EAPP: variants seen among roughly 807,000 people sequenced by gnomAD.
EAPP encodes E2F associated phosphoprotein.
In EAPP, 38 loss-of-function variants were observed where a neutral mutation model predicts 34.3. That is an observed-to-expected ratio of 1.11 (90% CI 0.85 to 1.45). The LOEUF is 1.45. EAPP is among the 40% of genes most tolerant of loss of function. The pLI, the probability that EAPP is intolerant of heterozygous loss-of-function variation, is 0.00. For missense variants in EAPP, 338 were observed against 343.7 expected (o/e 0.98, Z 0.13); for synonymous variants, 113 against 117.6 (o/e 0.96, Z 0.25).
intron 4 of EAPP, among the ~76,000 whole-genome samples, chr14:34,525,265 T>G (rs2138891559): frequency 6.6e-6 from 1 of 152,308 alleles, no homozygotes. Flanking sequence ...AAGTCTGGGT[T>G]GGACACAGTG....
rs1254098663 is a variant in EAPP, at chr14:34,532,668, C to A, written c.352+776G>T. ...GTGCCATGTCCTCACATGCCTGTGT[C>A]CCCAGCTTTTTTTTTTTTTTTTTTG... On this transcript the variant is annotated intron_variant, in intron 3 of 5. Transcript: ENST00000250454. 2.6e-4 allele frequency among the ~76,000 whole-genome samples: 40 copies of A among 151,686 alleles called. No homozygotes were observed. The South Asian group carries it at 8.3e-3, about 32-fold the overall frequency.
chr14:34,516,061 C>A lies in EAPP; in HGVS notation c.*249G>T. Reference sequence around the variant, plus strand: ...TTCTACAGAGCTTTAATAAAAAGCCCGACAGTTTCCAAATGTTCATCAAAA... The same window carrying A: ...TTCTACAGAGCTTTAATAAAAAGCCAGACAGTTTCCAAATGTTCATCAAAA... On this transcript the variant is annotated 3_prime_UTR_variant, in exon 6 of 6. Transcript: ENST00000250454. The A allele has an allele frequency of 2.6e-6, 1 of 386,884 alleles. No homozygotes were observed. Among genetic ancestry groups the A allele is most frequent in the Admixed American group, 4.1e-5 (1 of 24,308 alleles). 24.0% of individuals were successfully genotyped at this position (386,884 alleles called of 1,614,324 possible).
intron 3 of EAPP, among the ~76,000 whole-genome samples, chr14:34,532,087 AAAAG>A (rs758007888): frequency 3.1e-4 from 47 of 151,756 alleles, no homozygotes; most frequent in East Asian, 1.9e-3. Flanking sequence ...AAAAAAAAAA[AAAAG>A]AAAGAAAGAA....
At chr14:34,516,907 T>G (rs898210007) in intron 5 of EAPP, among the ~76,000 whole-genome samples, 1 of 151,050 alleles carries the variant, frequency 6.6e-6, no homozygotes, top group Admixed American at 6.7e-5. Flanking sequence ...AAGGAAGAAA[T>G]GTATCCTCTT....
chr14:34,538,553 C>T (rs1229291309), intron 1 of EAPP, among the ~76,000 whole-genome samples: 4 of 151,778 alleles, frequency 2.6e-5, no homozygotes, highest in African/African-American at 7.3e-5. Flanking sequence ...AATGTCTCCC[C>T]ATGACAATAT....
chr14:34,534,811 G>A (rs1399083681), intron 2 of EAPP, among the ~76,000 whole-genome samples: 1 of 151,160 alleles, frequency 6.6e-6, no homozygotes, highest in Admixed American at 6.7e-5. Context: ...GACCAGCCTG[G>A]GCAACATAGT....
chr14:34,532,793 T>C (rs551649546), intron 3 of EAPP, among the ~76,000 whole-genome samples: 1 of 150,144 alleles, frequency 6.7e-6, no homozygotes, highest in African/African-American at 2.4e-5. Flanking sequence ...CCCTGTCTCA[T>C]CCTCCTGAGT....
intron 5 of EAPP, among the ~76,000 whole-genome samples, chr14:34,523,099 T>C (rs1026355199): frequency 6.6e-6 from 1 of 152,146 alleles, no homozygotes; most frequent in African/African-American, 2.4e-5. Context: ...TCTGTGGCCC[T>C]AGAAACTGTC....
At chr14:34,529,869 A>G (rs1319898853) in intron 3 of EAPP, among the ~76,000 whole-genome samples, 1 of 152,072 alleles carries the variant, frequency 6.6e-6, no homozygotes, top group Non-Finnish European at 1.5e-5. Context: ...TATAAAAATT[A>G]GCTGGGCATG....
intron 2 of EAPP, among the ~76,000 whole-genome samples, chr14:34,535,665 C>G (rs963075273): frequency 1.3e-5 from 2 of 151,898 alleles, no homozygotes; most frequent in African/African-American, 4.8e-5. Flanking sequence ...ATCTCCTGAC[C>G]TCGTGATCCG....
rs374847059 is a variant in EAPP at position 34,524,692 on chromosome 14, A to G, written c.581+5T>C. The G allele has an allele frequency of 3.4e-5, 31 of 910,778 alleles. No homozygotes were observed. The highest frequency in any genetic ancestry group is 4.5e-5 in the Non-Finnish European group (28 of 616,196). 56.4% of individuals were successfully genotyped at this position (910,778 alleles called of 1,614,324 possible). On this transcript the variant is annotated splice_donor_5th_base_variant and intron_variant, in intron 5 of 5. Transcript: ENST00000250454. The stretch of plus-strand genomic sequence containing the variant: ...GTGTGTGTGTGTGTGTCCTTCATCC[A>G]TTACCTTTGGCAATCAAGGCAAAGT...
In EAPP at chr14:34,539,598, A is replaced by C; in HGVS notation, c.31T>G (p.Tyr11Asp). 6.3e-7 allele frequency: 1 copy of C among 1,590,718 alleles called. No homozygotes were observed. The highest frequency in any genetic ancestry group is 8.6e-7 in the Non-Finnish European group (1 of 1,166,962). The change falls in exon 1 of 6, where the codon TAC becomes GAC. Residue 11 changes from tyrosine (Y) to aspartate (D), a missense_variant. By Grantham distance (160) the Tyr-to-Asp change is radical. Transcript: ENST00000250454. ...TCGTCGCTAGGCTCTTCAACCGCGT[A>C]GGGGTCGTAGTCATCCGGAAGCCGG... is the stretch of plus-strand genomic sequence containing the variant. MNRLPDDYDPYAVEEPSDEEP... is the reference protein window; with the variant it reads MNRLPDDYDPDAVEEPSDEEP...
At chr14:34,527,087 T>TTC (rs1237223885) in intron 4 of EAPP, among the ~76,000 whole-genome samples, 1 of 150,398 alleles carries the variant, frequency 6.6e-6, no homozygotes, top group Non-Finnish European at 1.5e-5. Flanking sequence ...GAAGAATCGC[T>TTC]TGAACCTGGG....
chr14:34,533,527 C>T lies in EAPP; in HGVS notation c.269G>A (p.Gly90Glu), dbSNP rs765449402. The T allele has an allele frequency of 1.3e-6, 2 of 1,589,086 alleles. No individual in the cohort carries two copies. Among genetic ancestry groups the T allele is most frequent in the Admixed American group, 3.8e-5 (2 of 53,278 alleles). Reference protein sequence around the residue: ...LSSLGTGSSSGNGKVATAPTR... With the variant: ...LSSLGTGSSSENGKVATAPTR... Reference sequence around the variant, plus strand: ...CGGAGCTGTTGCAACTTTTCCATTTCCTGAGGAAGATCCTATTCAAACCAG... The same window carrying T: ...CGGAGCTGTTGCAACTTTTCCATTTTCTGAGGAAGATCCTATTCAAACCAG... The change falls in exon 3 of 6, where the codon GGA becomes GAA. Residue 90 changes from glycine to glutamate, a missense_variant. Gly to Glu is a moderately conservative substitution (Grantham distance 98). Coordinates refer to ENST00000250454, the MANE Select transcript of EAPP (RefSeq NM_018453.4).
At chr14:34,530,904 CAAAAAAAAAA>C (rs780101001) in intron 3 of EAPP, among the ~76,000 whole-genome samples, 9 of 55,186 alleles carry the variant, frequency 1.6e-4, no homozygotes, top group Non-Finnish European at 3.2e-5. Context: ...CAATCTTTAC[CAAAAAAAAAA>C]AAAAAAAAAA....
intron 4 of EAPP, among the ~76,000 whole-genome samples, chr14:34,528,289 G>A (rs1191777834): frequency 6.6e-6 from 1 of 151,654 alleles, no homozygotes; most frequent in East Asian, 1.9e-4. Context: ...GCCCGCCTTG[G>A]CCTCCCAAAG....
chr14:34,536,458 A>ATT (rs5807779), intron 1 of EAPP, 183 bp from the exon 2 acceptor site: 808 of 129,398 alleles, frequency 6.2e-3, no homozygotes, highest in African/African-American at 9.0e-3. Context: ...ATCTTCTTTA[A>ATT]TTTTTTTTTT....
chr14:34,524,601 G>A, intron 5 of EAPP, 96 bp downstream of exon 5: 2 of 934,682 alleles, frequency 2.1e-6, no homozygotes, highest in Admixed American at 2.1e-5. Context: ...GGGCAACAGA[G>A]TAAGACTCTG....
chr14:34,523,486 A>G (rs1879988520), intron 5 of EAPP, among the ~76,000 whole-genome samples: 1 of 149,462 alleles, frequency 6.7e-6, no homozygotes, highest in African/African-American at 2.5e-5. Context: ...CGGTCTCCCA[A>G]AGTGCTGGGA....
Sources: allele counts gnomAD v4.1 joint callset (sites outside exome capture counted in the v4.1 genomes callset), GRCh38; gene constraint gnomAD v4.1.1; transcripts MANE v1.5; gene names NCBI Gene and HGNC (gene_info 2026-07-23, HGNC 2026-07-21).